The following SYNPO variants were observed in gnomAD, a reference collection of about 807,000 sequenced individuals.
SYNPO encodes the protein synaptopodin.
A neutral mutation model predicts 49.5 loss-of-function variants in SYNPO; 19 were observed. The observed-to-expected ratio is 0.38, with a 90% confidence interval of 0.27 to 0.56. The LOEUF is 0.56. SYNPO is among the 20% of genes least tolerant of loss of function. The pLI, the probability that SYNPO is intolerant of heterozygous loss-of-function variation, is 0.68. For synonymous variants in SYNPO, 536 were observed against 548.0 expected, an observed-to-expected ratio of 0.98 and a Z score of 0.31; for missense variants, 1,131 against 1,248.3, an observed-to-expected ratio of 0.91 and a Z score of 1.42.
At position 150,657,432 on chromosome 5, in the gene SYNPO, T is replaced by TCTCTCTCTCA. The variant is rs1298503590; in HGVS notation, c.*346_*347insTCTCTCTCAC. ...CTCTCTCTTTCTCTCTCTCTCTCTC[T>TCTCTCTCTCA]CACACACACACACACACACACACAC... is the stretch of plus-strand genomic sequence containing the variant. On this transcript the variant is annotated 3_prime_UTR_variant, in exon 3 of 3. Transcript: ENST00000307662. 2 of 138,998 alleles carry TCTCTCTCTCA rather than the reference T, an allele frequency of 1.4e-5. No individual in the cohort carries two copies. Among genetic ancestry groups the TCTCTCTCTCA allele is most frequent in the African/African-American group, 5.7e-5 (2 of 35,078 alleles). 8.6% of individuals were successfully genotyped at this position (138,998 alleles called of 1,614,324 possible). A position where few individuals can be genotyped will look rare whatever the true frequency, so the allele number is the denominator to read the frequency against.
intron 1 of SYNPO, among the ~76,000 whole-genome samples, chr5:150,606,751 G>A (rs1756704264): frequency 6.6e-6 from 1 of 152,228 alleles, no homozygotes. Context: ...AGGCTTCAGT[G>A]AGGAGGAGAG....
intron 2 of SYNPO, chr5:150,652,628 G>C (rs1448937399): frequency 6.3e-6 from 1 of 158,074 alleles, no homozygotes; most frequent in Non-Finnish European, 1.4e-5. Flanking sequence ...AAATACTTTA[G>C]AGGATTTTTG....
chr5:150,619,960 A>T (rs544812466), intron 2 of SYNPO, among the ~76,000 whole-genome samples: 4 of 152,052 alleles, frequency 2.6e-5, no homozygotes, highest in Non-Finnish European at 5.9e-5. Flanking sequence ...GCAGTCTTGA[A>T]CTTGGAGGTG....
rs3832355 is a variant in SYNPO at position 150,658,865 on chromosome 5, TACTC to T, written c.*1780_*1783del. 69,189 of 151,762 alleles carry T rather than the reference TACTC, an allele frequency of 0.46. 15,941 individuals are homozygous for T. The highest frequency in any genetic ancestry group is 0.48 in the Admixed American group (7,277 of 15,226). 9.4% of individuals were successfully genotyped at this position (151,762 alleles called of 1,614,324 possible). On this transcript the variant is annotated 3_prime_UTR_variant, in exon 3 of 3. Transcript: ENST00000307662. ...TGCTGTGAAGATGAGAAGGTGCTCT[TACTC>T]AGTTAATGATGAGTGACTATATTTA... is the stretch of plus-strand genomic sequence containing the variant.
At chr5:150,586,049 G>A in the SYNPO span, among the ~76,000 whole-genome samples, 2 of 152,262 alleles carry the variant, frequency 1.3e-5, no homozygotes, top group Non-Finnish European at 2.9e-5. Flanking sequence ...GGCTCTGAAG[G>A]TCCTCAGGAT....
In SYNPO at chr5:150,656,749, C is replaced by T. The variant is rs1758576485; in HGVS notation, c.2374C>T (p.Pro792Ser). ...CTCCCCGCCGAGGGCGCCACCGCCC[C>T]CGCCCCCGCCCCCGCCCCCGCCCCC... ...PFSPPRAPPPPPPPPPPPPRM... is the reference protein window; with the variant it reads ...PFSPPRAPPPSPPPPPPPPRM... The change falls in exon 3 of 3, where the codon CCG becomes TCG. Residue 792 changes from proline to serine, a missense_variant. By Grantham distance (74) the Pro-to-Ser change is moderately conservative (BLOSUM62 -1). Around this residue, in one of 4 missense-constraint regions of SYNPO, gnomAD observed 509 missense variants for 484.5 expected, o/e 1.05. Coordinates refer to ENST00000307662, the MANE Select transcript of SYNPO (RefSeq NM_007286.6). The T allele has an allele frequency of 8.6e-7, 1 of 1,162,730 alleles. No individual in the cohort carries two copies. Among genetic ancestry groups the T allele is most frequent in the Non-Finnish European group, 1.0e-6 (1 of 955,342 alleles). The allele number at this position is 1,162,730 out of a possible 1,614,324, so 72.0% of individuals were successfully genotyped here. A position where few individuals can be genotyped will look rare whatever the true frequency, so the allele number is the denominator to read the frequency against.
intron 2 of SYNPO, among the ~76,000 whole-genome samples, chr5:150,633,621 G>C (rs1036624714): frequency 6.6e-6 from 1 of 152,232 alleles, no homozygotes; most frequent in Non-Finnish European, 1.5e-5. Context: ...CACCTCATGA[G>C]GCTGTGCCAA....
intron 2 of SYNPO, among the ~76,000 whole-genome samples, chr5:150,628,036 C>CTGTGTGTGTGTGTGTGTGTGTG (rs3062926): frequency 4.2e-5 from 6 of 141,956 alleles, no homozygotes; most frequent in African/African-American, 1.6e-4. Flanking sequence ...GTGTGTGTTT[C>CTGTGTGTGTGTGTGTGTGTGTG]TGTGTGTGTG....
chr5:150,595,156 A>G, the SYNPO span, among the ~76,000 whole-genome samples: 4 of 152,200 alleles, frequency 2.6e-5, no homozygotes, highest in Admixed American at 2.6e-4. Context: ...TGGGTTGGGT[A>G]GCTTTACCTG....
At chr5:150,616,307 C>T (rs1756982243) in intron 1 of SYNPO, among the ~76,000 whole-genome samples, 1 of 152,226 alleles carries the variant, frequency 6.6e-6, no homozygotes, top group African/African-American at 2.4e-5. Flanking sequence ...CTCATGTCCA[C>T]AGACTCTCAC....
chr5:150,615,094 G>T (rs1756948858), intron 1 of SYNPO: 1 of 152,198 alleles, frequency 6.6e-6, no homozygotes, highest in African/African-American at 2.4e-5. Context: ...TGCTATTATT[G>T]TTTCGGGTCC....
chr5:150,613,750 T>C (rs1022603562), intron 1 of SYNPO, among the ~76,000 whole-genome samples: 1 of 152,182 alleles, frequency 6.6e-6, no homozygotes, highest in African/African-American at 2.4e-5. Flanking sequence ...CTCCGCCCTA[T>C]AGCCTTCCAC....
chr5:150,635,967 T>C (rs1394829404), upstream of SYNPO, among the ~76,000 whole-genome samples: 1 of 152,216 alleles, frequency 6.6e-6, no homozygotes, highest in Non-Finnish European at 1.5e-5. Flanking sequence ...GGTTATCATA[T>C]CTACCTTTGC....
At chr5:150,635,280 G>T (rs1478879551) in intron 2 of SYNPO, among the ~76,000 whole-genome samples, 1 of 152,246 alleles carries the variant, frequency 6.6e-6, no homozygotes, top group African/African-American at 2.4e-5. Context: ...TGTAGCACAG[G>T]CTTGAAGCAA....
chr5:150,589,683 C>T, the SYNPO span, among the ~76,000 whole-genome samples: 5 of 152,198 alleles, frequency 3.3e-5, no homozygotes, highest in South Asian at 4.1e-4. Flanking sequence ...GACAGGCCCC[C>T]GTGGTCTGGT....
intron 1 of SYNPO, among the ~76,000 whole-genome samples, chr5:150,601,856 A>G (rs962351183): frequency 1.6e-4 from 25 of 152,184 alleles, no homozygotes; most frequent in Non-Finnish European, 2.8e-4. Context: ...GCACCTGCAC[A>G]ACCTCTGCCC....
At chr5:150,612,412 C>G (rs1240004546) in intron 1 of SYNPO, among the ~76,000 whole-genome samples, 4 of 152,224 alleles carry the variant, frequency 2.6e-5, no homozygotes, top group Admixed American at 6.5e-5. Flanking sequence ...GAGAGAAGCT[C>G]CTTCCTCCCT....
chr5:150,604,417 C>T lies in SYNPO; in HGVS notation c.-266+3229C>T, dbSNP rs111864706. Among the ~76,000 whole-genome samples the T allele has an allele frequency of 5.8e-4, 89 of 152,308 alleles. 2 individuals are homozygous for T. Among genetic ancestry groups the T allele is most frequent in the African/African-American group, 2.0e-3 (82 of 41,558 alleles). On this transcript the variant is annotated intron_variant, in intron 1 of 2. Coordinates refer to the SYNPO transcript ENST00000394243. ...GCTGAAGATTCTAGAACTTATTCAC[C>T]GACAGTGATGCCCTGGGTTCTTGAC...
Position 150,657,150 on chromosome 5 carries a change from G to T in SYNPO, c.*63G>T. On this transcript the variant is annotated 3_prime_UTR_variant, in exon 3 of 3. Coordinates refer to ENST00000307662, the MANE Select transcript of SYNPO (RefSeq NM_007286.6). ...AGAAGAAGGCTCATTAGACCTGGGG[G>T]ACCCAAAGGGTCTGGCCTCTTTGGG... The T allele has an allele frequency of 6.7e-7, 1 of 1,501,252 alleles. No individual in the cohort carries two copies. Among genetic ancestry groups the T allele is most frequent in the Admixed American group, 2.0e-5 (1 of 49,168 alleles). 93.0% of individuals were successfully genotyped at this position (1,501,252 alleles called of 1,614,324 possible).
Sources: gnomAD v4.1 joint callset for allele counts (sites outside exome capture counted in the v4.1 genomes callset) on GRCh38, gnomAD v4.1.1 for gene constraint, gnomAD v4.1.1 regional missense constraint, MANE v1.5 for transcripts, NCBI Gene and HGNC (gene_info 2026-07-23, HGNC 2026-07-21) for gene names.